The following PRDM10 variants were observed in gnomAD, a reference collection of about 807,000 sequenced individuals.
PRDM10 encodes PR domain zinc finger protein 10.
Under a neutral mutation model 133.1 loss-of-function variants are expected in PRDM10, and 65 were observed. That is an observed-to-expected ratio of 0.49 (90% CI 0.40 to 0.60). PRDM10 has a LOEUF of 0.60. Among genes scored for constraint, PRDM10 ranks in the 20% least tolerant of loss-of-function variants. The pLI, the probability that PRDM10 is intolerant of heterozygous loss-of-function variation, is 0.00. For synonymous variants in PRDM10, 582 were observed against 580.4 expected (o/e 1.00, Z -0.04); for missense variants, 1,137 against 1,507.1 (o/e 0.75, Z 4.07).
chr11:129,982,437 T>C (rs184773534), intron 1 of PRDM10, among the ~76,000 whole-genome samples: 57 of 152,084 alleles, frequency 3.7e-4, no homozygotes, highest in African/African-American at 1.4e-3. Flanking sequence ...TAATTTTTTG[T>C]ATTTTTAGTA....
chr11:129,977,109 G>A (rs956035593), intron 1 of PRDM10, among the ~76,000 whole-genome samples: 13 of 152,014 alleles, frequency 8.6e-5, no homozygotes, highest in Admixed American at 2.0e-4. Context: ...AGACAGCAAC[G>A]TCACTTGCTC....
Position 129,914,751 on chromosome 11 carries a change from G to T in PRDM10, c.2794C>A (p.Leu932Ile). 6.2e-7 allele frequency: 1 copy of T among 1,614,240 alleles called. No homozygotes were observed. The highest frequency in any genetic ancestry group is 8.5e-7 in the Non-Finnish European group (1 of 1,180,048). ...YIPVSQSASGLQQPQHIQLQV... is the reference protein window; with the variant it reads ...YIPVSQSASGIQQPQHIQLQV... Reference sequence around the variant, plus strand: ...AGCTGTATGTGCTGAGGCTGCTGGAGGCCAGACGCCGACTGCGACACAGGG... The same window carrying T: ...AGCTGTATGTGCTGAGGCTGCTGGATGCCAGACGCCGACTGCGACACAGGG... The change falls in exon 17 of 21, where the codon CTC (leucine) becomes ATC (isoleucine). Residue 932 changes from leucine to isoleucine, a missense_variant. Transcript: ENST00000360871.
At chr11:129,943,400 C>A (rs1287831434) in intron 6 of PRDM10, among the ~76,000 whole-genome samples, 1 of 152,174 alleles carries the variant, frequency 6.6e-6, no homozygotes, top group Non-Finnish European at 1.5e-5. Flanking sequence ...AGAAAGCAAG[C>A]CCCTGTTATA....
intron 4 of PRDM10, among the ~76,000 whole-genome samples, chr11:129,954,266 A>AC (rs1039866731): frequency 1.0e-5 from 1 of 96,108 alleles, no homozygotes; most frequent in African/African-American, 5.5e-5. Context: ...TAATTTATTT[A>AC]TTTTTTTTTT....
At chr11:129,993,263 C>T (rs1026211262) in intron 1 of PRDM10, among the ~76,000 whole-genome samples, 1 of 152,098 alleles carries the variant, frequency 6.6e-6, no homozygotes, top group Non-Finnish European at 1.5e-5. Flanking sequence ...GACTTTTGCC[C>T]ATTATTCTAT....
rs1323153908 is a variant in PRDM10 at position 129,949,675 on chromosome 11, A to G, written c.295-2305T>C. ...GCTGGGCATGGTGGCTCATGCCTGT[A>G]ATCCCAGCACTTTGGGAGGCCAAGG... On this transcript the variant is annotated intron_variant, in intron 4 of 20. Coordinates refer to ENST00000360871, the MANE Select transcript of PRDM10 (RefSeq NM_199437.2). Among the ~76,000 whole-genome samples, 3 of 152,304 alleles carry G rather than the reference A, an allele frequency of 2.0e-5. No individual in the cohort carries two copies. In the East Asian group the frequency reaches 5.8e-4, roughly 29 times the overall value.
At chr11:130,001,146 G>C (rs775936177) in intron 1 of PRDM10, among the ~76,000 whole-genome samples, 15 of 151,966 alleles carry the variant, frequency 9.9e-5, no homozygotes, top group Admixed American at 5.2e-4. Flanking sequence ...ACCCCATATT[G>C]AATAAACACT....
chr11:129,925,781 AAATGGATACCAGGTTTCTTTTGGGGGT>A (rs1181334117), intron 11 of PRDM10, among the ~76,000 whole-genome samples: 4 of 152,246 alleles, frequency 2.6e-5, no homozygotes, highest in Non-Finnish European at 4.4e-5. Flanking sequence ...ATGGAGAAGG[AAATGGATACCAGGTTTCTTTTGGGGGT>A]AATGGATACC....
intron 6 of PRDM10, among the ~76,000 whole-genome samples, chr11:129,944,476 T>A (rs921658634): frequency 1.3e-5 from 2 of 151,186 alleles, no homozygotes; most frequent in African/African-American, 2.5e-5. Flanking sequence ...TCCCAGCTAC[T>A]CGGGAGGCTG....
chr11:129,933,772 C>T (rs1450271896), intron 9 of PRDM10, among the ~76,000 whole-genome samples: 1 of 152,078 alleles, frequency 6.6e-6, no homozygotes, highest in Admixed American at 6.5e-5. Context: ...TTGGAGATTC[C>T]CAGGAGTGAC....
chr11:129,970,185 G>T (rs897755553), intron 1 of PRDM10, among the ~76,000 whole-genome samples: 1 of 152,196 alleles, frequency 6.6e-6, no homozygotes, highest in East Asian at 1.9e-4. Flanking sequence ...AACCAGGCAT[G>T]TTCCCTAAAA....
At chr11:129,981,460 T>C (rs7941821) in intron 1 of PRDM10, among the ~76,000 whole-genome samples, 57,354 of 152,086 alleles carry the variant, frequency 0.38, 13,354 homozygotes, top group African/African-American at 0.64. Flanking sequence ...AGAAATGTAA[T>C]CATACTTTTT....
intron 15 of PRDM10, 99 bp from the exon 16 acceptor site, chr11:129,915,959 T>G: frequency 8.6e-7 from 1 of 1,160,470 alleles, no homozygotes; most frequent in South Asian, 1.6e-5. Flanking sequence ...AGGAAAAGTA[T>G]TCATGTAGCC....
Position 129,914,929 on chromosome 11 carries a change from G to C in PRDM10, c.2616C>G (p.Ile872Met). 6.2e-7 allele frequency: 1 copy of C among 1,614,200 alleles called. No individual in the cohort carries two copies. Among genetic ancestry groups the C allele is most frequent in the Non-Finnish European group, 8.5e-7 (1 of 1,180,026 alleles). ...TAGTCAAAACCGCTGGGGTGGCACTGATCACAGCTGTCGTCAGTGGTGTGT... is the reference window on the plus strand; with the variant it reads ...TAGTCAAAACCGCTGGGGTGGCACTCATCACAGCTGTCGTCAGTGGTGTGT... Reference protein sequence around the residue: ...TIHTPLTTAVISATPAVLTTD... With the variant: ...TIHTPLTTAVMSATPAVLTTD... Residue 872 changes from isoleucine (I) to methionine (M), a missense_variant, in exon 17 of 21, where the codon ATC becomes ATG. Ile to Met is a conservative substitution (Grantham distance 10, BLOSUM62 1). Coordinates refer to ENST00000360871, the MANE Select transcript of PRDM10 (RefSeq NM_199437.2).
At position 129,902,118 on chromosome 11, in the gene PRDM10, C is replaced by A. The variant is rs3734078; in HGVS notation, c.*195G>T. The A allele has an allele frequency of 4.3e-6, 3 of 696,824 alleles. No homozygotes were observed. In the Admixed American group the frequency reaches 1.0e-4, roughly 24 times the overall value. The allele number at this position is 696,824 out of a possible 1,614,324, so 43.2% of individuals were successfully genotyped here. On this transcript the variant is annotated 3_prime_UTR_variant, in exon 21 of 21. Coordinates refer to ENST00000360871, the MANE Select transcript of PRDM10 (RefSeq NM_199437.2). ...AAGATCTCTGTTCTGTGGCAAAAACCGAGGGTTTGAAGAGTCAATTTGATA... is the reference window on the plus strand; with the variant it reads ...AAGATCTCTGTTCTGTGGCAAAAACAGAGGGTTTGAAGAGTCAATTTGATA...
intron 3 of PRDM10, among the ~76,000 whole-genome samples, chr11:129,956,036 C>T (rs1299687237): frequency 6.6e-6 from 1 of 151,966 alleles, no homozygotes; most frequent in Non-Finnish European, 1.5e-5. Flanking sequence ...AATGTAAGTG[C>T]ATGTTTATTA....
rs1011771926 is a variant in PRDM10, at chr11:129,918,288, A to G, written c.2214+251T>C. Among the ~76,000 whole-genome samples the G allele has an allele frequency of 7.6e-6, 1 of 132,280 alleles. No individual in the cohort carries two copies. The highest frequency in any genetic ancestry group is 2.8e-5 in the African/African-American group (1 of 35,554). The allele number at this position is 132,280 out of a possible 152,430, so 86.8% of individuals were successfully genotyped here. A position where few individuals can be genotyped will look rare whatever the true frequency, so the allele number is the denominator to read the frequency against. ...ACAAAAGTAGTAATGAAAAGTGATTAAAAAAAAAAAAAGAAAAAGAAAAAG... is the reference window on the plus strand; with the variant it reads ...ACAAAAGTAGTAATGAAAAGTGATTGAAAAAAAAAAAAGAAAAAGAAAAAG... On this transcript the variant is annotated intron_variant, in intron 14 of 20. Coordinates refer to ENST00000360871, the MANE Select transcript of PRDM10 (RefSeq NM_199437.2). The surrounding 1 kb of genome is among the most constrained non-coding windows in gnomAD (Gnocchi z 5.3).
At chr11:129,942,192 G>A (rs1363453761) in intron 7 of PRDM10, among the ~76,000 whole-genome samples, 2 of 152,088 alleles carry the variant, frequency 1.3e-5, no homozygotes, top group Non-Finnish European at 2.9e-5. Flanking sequence ...CACCATGCCC[G>A]GCTTCACATA....
chr11:129,929,621 G>A (rs527485241), intron 11 of PRDM10, among the ~76,000 whole-genome samples: 12 of 152,106 alleles, frequency 7.9e-5, no homozygotes, highest in Admixed American at 3.9e-4. Context: ...TATGGCTTTC[G>A]CTTTGACACA....
Sources: allele counts gnomAD v4.1 joint callset (sites outside exome capture counted in the v4.1 genomes callset), GRCh38; gene constraint gnomAD v4.1.1; non-coding constraint Gnocchi (gnomAD v3.1); transcripts MANE v1.5; gene names NCBI Gene and HGNC (gene_info 2026-07-23, HGNC 2026-07-21).